GARIN5A: variants seen among roughly 807,000 people sequenced by gnomAD.
GARIN5A encodes the protein golgi associated RAB2 interactor 5A.
chr19:50,467,464 G>T, the GARIN5A span: 1 of 826,614 alleles, frequency 1.2e-6, no homozygotes, highest in Non-Finnish European at 1.9e-6. Flanking sequence ...AGGAGTCCAG[G>T]ACCCAAGCTC....
chr19:50,467,620 A>G, the GARIN5A span: 1 of 1,554,946 alleles, frequency 6.4e-7, no homozygotes, highest in Non-Finnish European at 8.7e-7. Flanking sequence ...ATCCTCCAGC[A>G]CCTCTTACTC....
the GARIN5A span, chr19:50,467,891 G>C: frequency 4.6e-6 from 7 of 1,522,226 alleles, no homozygotes; most frequent in East Asian, 4.7e-5. Flanking sequence ...GCACCGTCGG[G>C]GTCAGGGGTC....
At chr19:50,472,033 C>T in the GARIN5A span, among the ~76,000 whole-genome samples, 8 of 116,674 alleles carry the variant, frequency 6.9e-5, no homozygotes, top group Non-Finnish European at 1.2e-4. Flanking sequence ...TGTATATGTA[C>T]GTGTGTGTAT....
the GARIN5A span, chr19:50,475,577 G>T: frequency 1.1e-6 from 1 of 934,890 alleles, no homozygotes; most frequent in Admixed American, 2.8e-5. Context: ...AAATCAGGCT[G>T]GGGGCCAGAT....
At chr19:50,474,432 G>C in the GARIN5A span, among the ~76,000 whole-genome samples, 3 of 149,156 alleles carry the variant, frequency 2.0e-5, no homozygotes, top group South Asian at 2.1e-4. Flanking sequence ...TGCAACCTCC[G>C]CCTCCTGGGT....
At chr19:50,468,245 C>T in the GARIN5A span, among the ~76,000 whole-genome samples, 2 of 151,692 alleles carry the variant, frequency 1.3e-5, no homozygotes, top group African/African-American at 4.8e-5. Flanking sequence ...ACCTATAATC[C>T]CAGCTACTTT....
the GARIN5A span, among the ~76,000 whole-genome samples, chr19:50,468,393 A>C: frequency 6.9e-6 from 1 of 144,752 alleles, no homozygotes; most frequent in Non-Finnish European, 1.5e-5. Flanking sequence ...AAAAAATCCC[A>C]TCTTGGGTGT....
chr19:50,471,568 C>A, the GARIN5A span, among the ~76,000 whole-genome samples: 1 of 152,142 alleles, frequency 6.6e-6, no homozygotes, highest in Non-Finnish European at 1.5e-5. Context: ...TCACACCCAG[C>A]CTCTACTGCT....
the GARIN5A span, chr19:50,475,475 G>A: frequency 1.9e-6 from 3 of 1,594,156 alleles, no homozygotes; most frequent in East Asian, 2.2e-5. Context: ...GAGGTCAGAG[G>A]TCGGGGCAGG....
At chr19:50,474,888 G>A in the GARIN5A span, among the ~76,000 whole-genome samples, 1 of 152,276 alleles carries the variant, frequency 6.6e-6, no homozygotes, top group Admixed American at 6.5e-5. Flanking sequence ...GACAAGCTTG[G>A]CATTCCAATC....
At chr19:50,472,193 T>TAC in the GARIN5A span, among the ~76,000 whole-genome samples, 2 of 151,144 alleles carry the variant, frequency 1.3e-5, no homozygotes, top group South Asian at 2.1e-4. Flanking sequence ...TATACATGTA[T>TAC]GTGTGCATGT....
the GARIN5A span, chr19:50,475,725 C>T: frequency 1.2e-6 from 1 of 828,694 alleles, no homozygotes; most frequent in Non-Finnish European, 2.0e-6. Context: ...AGTTGGGAGT[C>T]GGGAATCCCA....
At chr19:50,471,707 CGTGTGTGTATACGCATACATGCACGTGT>C in the GARIN5A span, among the ~76,000 whole-genome samples, 1 of 146,406 alleles carries the variant, frequency 6.8e-6, no homozygotes, top group African/African-American at 2.5e-5. Flanking sequence ...CATACATGCA[CGTGTGTGTATACGCATACATGCACGTGT>C]GTGTATACGC....
At chr19:50,470,976 T>C in the GARIN5A span, among the ~76,000 whole-genome samples, 3 of 152,020 alleles carry the variant, frequency 2.0e-5, no homozygotes, top group Non-Finnish European at 4.4e-5. Context: ...TTTTATTTTA[T>C]TTTTTGAGAA....
the GARIN5A span, among the ~76,000 whole-genome samples, chr19:50,475,035 G>A: frequency 5.9e-5 from 9 of 152,176 alleles, no homozygotes; most frequent in Admixed American, 1.3e-4. Context: ...GATCGTATGC[G>A]CGGCCTAGGG....
At chr19:50,475,284 C>T in the GARIN5A span, 1 of 1,535,588 alleles carries the variant, frequency 6.5e-7, no homozygotes, top group Admixed American at 1.8e-5. Flanking sequence ...GTGCCTGGAG[C>T]TGAGGGAGGA....
chr19:50,467,685 C>A, the GARIN5A span: 1 of 1,590,062 alleles, frequency 6.3e-7, no homozygotes, highest in Non-Finnish European at 8.6e-7. Flanking sequence ...AGAGCAGCCG[C>A]ACCCACTGGC....
the GARIN5A span, chr19:50,467,785 C>A: frequency 1.9e-6 from 3 of 1,612,860 alleles, no homozygotes; most frequent in South Asian, 3.3e-5. Context: ...CTGACACCGG[C>A]TTTTGTCGTG....
At chr19:50,475,191 G>T in the GARIN5A span, 1 of 1,320,072 alleles carries the variant, frequency 7.6e-7, no homozygotes, top group Non-Finnish European at 1.0e-6. Context: ...CGGGTAGATG[G>T]CAGCTCAGGG....
Sources: gnomAD v4.1 joint callset for allele counts (sites outside exome capture counted in the v4.1 genomes callset) on GRCh38, gnomAD v4.1.1 for gene constraint, MANE v1.5 for transcripts, NCBI Gene and HGNC (gene_info 2026-07-23, HGNC 2026-07-21) for gene names.